The following SNTG1 variants were observed in gnomAD, a reference collection of about 807,000 sequenced individuals.
The protein encoded by SNTG1 is gamma-1-syntrophin.
Under a neutral mutation model 74.7 loss-of-function variants are expected in SNTG1, and 39 were observed. The ratio of observed to expected loss-of-function variants is 0.52; its 90% CI spans 0.40 to 0.68. The LOEUF is 0.68. SNTG1 is among the 30% of genes least tolerant of loss of function. The pLI is 0.00. For missense variants in SNTG1, 685 were observed against 609.5 expected (o/e 1.12, Z -1.30); for synonymous variants, 254 against 217.1 (o/e 1.17, Z -1.49).
intron 2 of SNTG1, among the ~76,000 whole-genome samples, chr8:50,174,608 T>G (rs1377723294): frequency 6.6e-6 from 1 of 152,262 alleles, no homozygotes; most frequent in Non-Finnish European, 1.5e-5. Flanking sequence ...TGTTTTCAAG[T>G]TATTTTTCAT....
At position 50,123,068 on chromosome 8, in the gene SNTG1, G is replaced by T. The variant is rs918950847; in HGVS notation, c.-102-49493G>T. On this transcript the variant is annotated intron_variant, in intron 1 of 18. Transcript: ENST00000642720. Reference sequence around the variant, plus strand: ...CAGGTCATCAATACTGCAGGTGAGAGTAGGTCACCAGAGTACAAAATCTTA... The same window carrying T: ...CAGGTCATCAATACTGCAGGTGAGATTAGGTCACCAGAGTACAAAATCTTA... Among the ~76,000 whole-genome samples, 22 of 142,420 alleles carry T rather than the reference G, an allele frequency of 1.5e-4. 6 individuals are homozygous for T. The highest frequency in any genetic ancestry group is 9.4e-5 in the Non-Finnish European group (6 of 63,950). 93.4% of individuals were successfully genotyped at this position (142,420 alleles called of 152,430 possible).
At chr8:50,657,055 T>A in intron 14 of SNTG1, 30 bp downstream of exon 14, 1 of 1,330,270 alleles carries the variant, frequency 7.5e-7, no homozygotes, top group Non-Finnish European at 1.0e-6. Flanking sequence ...GTATTGGTCG[T>A]TTCCATATTA....
intron 4 of SNTG1, among the ~76,000 whole-genome samples, chr8:50,426,604 A>T (rs1027683768): frequency 6.6e-6 from 1 of 151,942 alleles, no homozygotes; most frequent in African/African-American, 2.4e-5. Flanking sequence ...CTTTATAAGT[A>T]AAAAATGTTA....
At chr8:50,558,734 A>T (rs1413179373) in intron 12 of SNTG1, among the ~76,000 whole-genome samples, 1 of 152,068 alleles carries the variant, frequency 6.6e-6, no homozygotes, top group Non-Finnish European at 1.5e-5. Context: ...TTTGTAGAGT[A>T]TCAGAAAAAA....
chr8:50,650,210 A>G (rs533370486), intron 13 of SNTG1, among the ~76,000 whole-genome samples: 1 of 152,118 alleles, frequency 6.6e-6, no homozygotes, highest in Non-Finnish European at 1.5e-5. Context: ...TCATGAATAC[A>G]TGTTGAATTT....
intron 2 of SNTG1, among the ~76,000 whole-genome samples, chr8:50,318,058 G>C (rs1007907995): frequency 1.3e-5 from 2 of 151,906 alleles, no homozygotes; most frequent in African/African-American, 2.4e-5. Flanking sequence ...GGAAGGTCTC[G>C]ATCTCCTGAC....
intron 8 of SNTG1, among the ~76,000 whole-genome samples, chr8:50,460,998 CT>C (rs1451888420): frequency 6.6e-6 from 1 of 151,098 alleles, no homozygotes; most frequent in Non-Finnish European, 1.5e-5. Flanking sequence ...TACCTAATGG[CT>C]TTTTTTTTCC....
intron 12 of SNTG1, among the ~76,000 whole-genome samples, chr8:50,560,818 G>C (rs1286293815): frequency 1.3e-5 from 2 of 152,036 alleles, no homozygotes; most frequent in Non-Finnish European, 2.9e-5. Flanking sequence ...CATGGCACAT[G>C]TTTATCTGTG....
intron 2 of SNTG1, among the ~76,000 whole-genome samples, chr8:50,210,790 A>T (rs1351079853): frequency 6.6e-6 from 1 of 152,188 alleles, no homozygotes; most frequent in Non-Finnish European, 1.5e-5. Flanking sequence ...AGACCAGTAA[A>T]TTTAAAAACA....
At chr8:50,291,044 C>A (rs2089073490) in intron 2 of SNTG1, among the ~76,000 whole-genome samples, 1 of 152,098 alleles carries the variant, frequency 6.6e-6, no homozygotes, top group Non-Finnish European at 1.5e-5. Flanking sequence ...ACATTGACCA[C>A]CCTATACATT....
chr8:49,953,081 A>G (rs1809865032), intron 1 of SNTG1, among the ~76,000 whole-genome samples: 1 of 152,202 alleles, frequency 6.6e-6, no homozygotes, highest in Non-Finnish European at 1.5e-5. Context: ...TTATTAGCTT[A>G]TAGGTGAGAT....
intron 13 of SNTG1, among the ~76,000 whole-genome samples, chr8:50,647,136 GA>G: frequency 6.6e-6 from 1 of 152,180 alleles, no homozygotes; most frequent in Non-Finnish European, 1.5e-5. Flanking sequence ...AGAAAATGTA[GA>G]TGACCTTGGG....
At chr8:50,230,793 T>G (rs1239800626) in intron 2 of SNTG1, among the ~76,000 whole-genome samples, 2 of 149,984 alleles carry the variant, frequency 1.3e-5, no homozygotes, top group Non-Finnish European at 3.0e-5. Context: ...ACTGTAAAAC[T>G]ACTAGAAGAA....
chr8:50,019,062 G>C (rs1366907491), intron 1 of SNTG1, among the ~76,000 whole-genome samples: 2 of 151,956 alleles, frequency 1.3e-5, no homozygotes, highest in Non-Finnish European at 2.9e-5. Context: ...TCTGGGGAAG[G>C]GTCAAGGAAA....
intron 17 of SNTG1, among the ~76,000 whole-genome samples, chr8:50,741,621 A>C (rs1425627766): frequency 6.6e-6 from 1 of 152,050 alleles, no homozygotes; most frequent in African/African-American, 2.4e-5. Context: ...ACATGGAAAC[A>C]ACCAGCATTC....
intron 2 of SNTG1, among the ~76,000 whole-genome samples, chr8:50,284,792 C>T (rs552876626): frequency 1.3e-5 from 2 of 151,970 alleles, no homozygotes; most frequent in South Asian, 4.1e-4. Context: ...ATGTTAATTA[C>T]ATATATACTT....
In SNTG1 at chr8:50,553,195, A is replaced by G; in HGVS notation, c.810+16A>G. On this transcript the variant is annotated intron_variant, in intron 12 of 18. Coordinates refer to ENST00000642720, the MANE Select transcript of SNTG1 (RefSeq NM_018967.5). Reference sequence around the variant, plus strand: ...AAAGCACAATGTAAGTAATGATTCAAGGAATACCTAGCCAGGGTTTCTCAG... The same window carrying G: ...AAAGCACAATGTAAGTAATGATTCAGGGAATACCTAGCCAGGGTTTCTCAG... 1.2e-6 allele frequency: 2 copies of G among 1,613,422 alleles called. No homozygotes were observed. Among genetic ancestry groups the G allele is most frequent in the South Asian group, 1.1e-5 (1 of 91,064 alleles).
At chr8:50,467,012 A>G (rs1280974080) in intron 8 of SNTG1, among the ~76,000 whole-genome samples, 2 of 151,916 alleles carry the variant, frequency 1.3e-5, no homozygotes, top group African/African-American at 4.8e-5. Context: ...GCTTAACTGG[A>G]ATAAATCTCA....
intron 9 of SNTG1, among the ~76,000 whole-genome samples, chr8:50,524,929 C>T (rs561491392): frequency 3.6e-4 from 55 of 152,044 alleles, no homozygotes; most frequent in Non-Finnish European, 2.2e-4. Context: ...ATGAATACAC[C>T]TTCATTATTC....
Sources: allele counts gnomAD v4.1 joint callset (sites outside exome capture counted in the v4.1 genomes callset), GRCh38; gene constraint gnomAD v4.1.1; transcripts MANE v1.5; gene names NCBI Gene and HGNC (gene_info 2026-07-23, HGNC 2026-07-21).